The following SKI variants were observed in gnomAD, a reference collection of about 807,000 sequenced individuals.
The protein encoded by SKI is ski oncogene.
SKI carries 23 observed loss-of-function variants against 59.3 expected under a neutral mutation model. That is an observed-to-expected ratio of 0.39 (90% CI 0.28 to 0.55). The LOEUF (loss-of-function observed/expected upper bound fraction) is 0.55, where lower values mean the gene tolerates loss of function less well. Ranked by LOEUF, SKI falls within the 20% of genes least tolerant of loss-of-function variation. The pLI is 0.67. For missense variants in SKI, 1,017 were observed against 1,038.9 expected, an observed-to-expected ratio of 0.98 and a Z score of 0.29; for synonymous variants, 673 against 488.6, an observed-to-expected ratio of 1.38 and a Z score of -4.98.
chr1:2,242,706 G>A (rs544500021), intron 1 of SKI, among the ~76,000 whole-genome samples: 1 of 152,068 alleles, frequency 6.6e-6, no homozygotes, highest in Non-Finnish European at 1.5e-5. Flanking sequence ...TAATTTTAGA[G>A]ATGTGATCTC....
intron 1 of SKI, among the ~76,000 whole-genome samples, chr1:2,279,234 C>T (rs1639816220): frequency 6.6e-6 from 1 of 152,222 alleles, no homozygotes; most frequent in Non-Finnish European, 1.5e-5. Flanking sequence ...CTTCTGCATC[C>T]CCTACGGAAC....
intron 1 of SKI, among the ~76,000 whole-genome samples, chr1:2,254,512 C>G (rs1639232177): frequency 6.6e-6 from 1 of 152,240 alleles, no homozygotes; most frequent in Non-Finnish European, 1.5e-5. Context: ...TTTTAATTTA[C>G]TTGATACTCA....
chr1:2,290,117 G>A (rs1379675170), intron 1 of SKI, among the ~76,000 whole-genome samples: 2 of 152,134 alleles, frequency 1.3e-5, no homozygotes, highest in African/African-American at 4.8e-5. Flanking sequence ...GAGTCGGTAA[G>A]GCAAGGGTGA....
Position 2,268,269 on chromosome 1 carries a change from C to T in SKI, c.970-34709C>T, listed in dbSNP as rs539472050. Reference sequence around the variant, plus strand: ...GTGCTTTCTTGCCCCTCCAGTGCCTCCCAGGGGGCTGTGTAGCCAGGTGTC... The same window carrying T: ...GTGCTTTCTTGCCCCTCCAGTGCCTTCCAGGGGGCTGTGTAGCCAGGTGTC... On this transcript the variant is annotated intron_variant, in intron 1 of 6. Transcript: ENST00000378536. The surrounding 1 kb of genome is among the most constrained non-coding windows in gnomAD (Gnocchi z 5.0). Among the ~76,000 whole-genome samples the T allele has an allele frequency of 3.3e-5, 5 of 152,324 alleles. No individual in the cohort carries two copies. In the South Asian group the frequency reaches 1.0e-3, roughly 32 times the overall value.
At chr1:2,279,060 G>A (rs1437342657) in intron 1 of SKI, among the ~76,000 whole-genome samples, 1 of 152,190 alleles carries the variant, frequency 6.6e-6, no homozygotes, top group Non-Finnish European at 1.5e-5. Flanking sequence ...GGGGCTTGGT[G>A]GCTGCTGGGT....
chr1:2,290,401 C>T (rs569049221), intron 1 of SKI, among the ~76,000 whole-genome samples: 1 of 152,306 alleles, frequency 6.6e-6, no homozygotes, highest in African/African-American at 2.4e-5. Flanking sequence ...ACACAGCCGC[C>T]ACCCTGCACT....
intron 1 of SKI, among the ~76,000 whole-genome samples, chr1:2,285,415 T>C (rs1325035758): frequency 6.6e-6 from 1 of 151,486 alleles, no homozygotes; most frequent in Non-Finnish European, 1.5e-5. Flanking sequence ...CTAGGGAGGC[T>C]GAGGCAGGAG....
Position 2,228,925 on chromosome 1 carries a change from G to C in SKI, c.159G>C (p.Lys53Asn). The C allele has an allele frequency of 7.2e-7, 1 of 1,389,118 alleles. No homozygotes were observed. The highest frequency in any genetic ancestry group is 9.4e-7 in the Non-Finnish European group (1 of 1,066,316). The allele number at this position is 1,389,118 out of a possible 1,614,324, so 86.0% of individuals were successfully genotyped here. Residue 53 changes from lysine to asparagine, a missense_variant, in exon 1 of 7, where the codon AAG becomes AAC. Physicochemically the swap from Lys to Asn is moderately conservative, Grantham distance 94. Transcript: ENST00000378536. ...AQEAYKKESA[K>N]EAGAAAVPAP... is the part of the protein sequence containing the mutation. ...AGGCCTACAAGAAGGAGAGCGCCAA[G>C]GAGGCGGGCGCGGCCGCGGTGCCGG...
At position 2,308,383 on chromosome 1, in the gene SKI, C is replaced by CA. The variant is rs1341923845; in HGVS notation, c.*1619dup. On this transcript the variant is annotated 3_prime_UTR_variant, in exon 7 of 7. Coordinates refer to ENST00000378536, the MANE Select transcript of SKI (RefSeq NM_003036.4). ...GGTCTTGGTTGCTGCTGAAGCCCCC[C>CA]ACCCCTTCTAAAGTGCAATGCAAAA... is the stretch of plus-strand genomic sequence containing the variant. 7.9e-5 allele frequency: 12 copies of CA among 152,178 alleles called. No individual in the cohort carries two copies. The highest frequency in any genetic ancestry group is 1.3e-4 in the Non-Finnish European group (9 of 68,038). The allele number at this position is 152,178 out of a possible 1,614,324, so 9.4% of individuals were successfully genotyped here. A position where few individuals can be genotyped will look rare whatever the true frequency, so the allele number is the denominator to read the frequency against.
chr1:2,231,585 C>T (rs570282959), intron 1 of SKI, among the ~76,000 whole-genome samples: 30 of 152,320 alleles, frequency 2.0e-4, no homozygotes, highest in Admixed American at 9.8e-4. Context: ...CGGATGCCTC[C>T]GAGCCGCCTT....
chr1:2,296,991 G>A (rs957872373), intron 1 of SKI, among the ~76,000 whole-genome samples: 7 of 152,036 alleles, frequency 4.6e-5, no homozygotes, highest in Non-Finnish European at 8.8e-5. Flanking sequence ...CTCTGCAGGT[G>A]AGAATTGGTG....
chr1:2,300,991 G>C (rs1470414912), intron 1 of SKI, among the ~76,000 whole-genome samples: 1 of 152,224 alleles, frequency 6.6e-6, no homozygotes, highest in African/African-American at 2.4e-5. Flanking sequence ...GTGGCCTGAG[G>C]CATCTGACTC....
rs1340438911 is a variant in SKI, at chr1:2,229,285, G to A, written c.519G>A (p.Ser173=). 1.3e-6 allele frequency: 2 copies of A among 1,596,192 alleles called. No homozygotes were observed. The highest frequency in any genetic ancestry group is 1.1e-5 in the South Asian group (1 of 89,128). Residue 173 remains serine, a synonymous_variant, in exon 1 of 7, where the codon TCG becomes TCA. Coordinates refer to ENST00000378536, the MANE Select transcript of SKI (RefSeq NM_003036.4). This position sits in a 1 kb window ranked among gnomAD's most constrained non-coding sequence, Gnocchi z 6.3. ...GCATCCTGCCCTTCTCGGCGCCCTC[G>A]TGCGGGCTCATCACCAAGACGGACG... ...VMGILPFSAP[S]CGLITKTDAE...
At chr1:2,258,503 CT>C (rs779297545) in intron 1 of SKI, among the ~76,000 whole-genome samples, 1,610 of 134,872 alleles carry the variant, frequency 0.012, 17 homozygotes, top group African/African-American at 0.029. Flanking sequence ...TGTCATTTTC[CT>C]TTTTTTTTTT....
At position 2,300,474 on chromosome 1, in the gene SKI, T is replaced by C. The variant is rs138543707; in HGVS notation, c.970-2504T>C. On this transcript the variant is annotated intron_variant, in intron 1 of 6. Transcript: ENST00000378536. Reference sequence around the variant, plus strand: ...TCAGCCGTCTGTCACTGGGTGTGGTTTTGTCCCTGACCGACAGCTGACACT... The same window carrying C: ...TCAGCCGTCTGTCACTGGGTGTGGTCTTGTCCCTGACCGACAGCTGACACT... 2.0e-5 allele frequency among the ~76,000 whole-genome samples: 3 copies of C among 152,318 alleles called. No homozygotes were observed. The East Asian group carries it at 5.8e-4, about 29-fold the overall frequency.
intron 1 of SKI, among the ~76,000 whole-genome samples, chr1:2,264,565 G>T (rs1445074482): frequency 6.6e-6 from 1 of 151,918 alleles, no homozygotes; most frequent in East Asian, 1.9e-4. Flanking sequence ...CACTGCGTCC[G>T]GCCTGTTTTA....
intron 1 of SKI, among the ~76,000 whole-genome samples, chr1:2,242,822 G>A (rs1220449276): frequency 6.6e-6 from 1 of 152,128 alleles, no homozygotes; most frequent in Non-Finnish European, 1.5e-5. Flanking sequence ...AGTATTTTTC[G>A]TAATTGGATT....
intron 1 of SKI, among the ~76,000 whole-genome samples, chr1:2,294,990 C>T (rs1031518694): frequency 2.0e-5 from 3 of 152,220 alleles, no homozygotes; most frequent in East Asian, 1.9e-4. Flanking sequence ...TGACAGGGAC[C>T]AGAATGTTCC....
chr1:2,271,589 G>A (rs892486184), intron 1 of SKI, among the ~76,000 whole-genome samples: 2 of 152,118 alleles, frequency 1.3e-5, no homozygotes, highest in Non-Finnish European at 2.9e-5. Flanking sequence ...GACCCCAGAC[G>A]CTCGCCTTTT....
Sources: allele counts gnomAD v4.1 joint callset (sites outside exome capture counted in the v4.1 genomes callset), GRCh38; gene constraint gnomAD v4.1.1; non-coding constraint Gnocchi (gnomAD v3.1); transcripts MANE v1.5; gene names NCBI Gene and HGNC (gene_info 2026-07-23, HGNC 2026-07-21).